Variants in PSD observed in about 807,000 individuals in gnomAD.
PSD encodes the protein PH and SEC7 domain-containing protein 1.
PSD carries 32 observed loss-of-function variants against 91.6 expected under a neutral mutation model. The observed-to-expected ratio is 0.35, with a 90% CI of 0.26 to 0.47. The LOEUF (loss-of-function observed/expected upper bound fraction) is 0.47, where lower values mean the gene tolerates loss of function less well. Ranked by LOEUF, PSD falls within the 20% of genes least tolerant of loss-of-function variation. The pLI is 1.00. For missense variants in PSD, 1,099 were observed against 1,373.9 expected (o/e 0.80, Z 3.16); for synonymous variants, 532 against 569.3 (o/e 0.93, Z 0.93).
chr10:102,405,770 T>G lies in PSD; in HGVS notation c.2136-234A>C. 1 of 535,102 alleles carries G rather than the reference T, an allele frequency of 1.9e-6. No homozygotes were observed. Among genetic ancestry groups the G allele is most frequent in the African/African-American group, 1.9e-5 (1 of 52,962 alleles). 33.1% of individuals were successfully genotyped at this position (535,102 alleles called of 1,614,324 possible). ...CCAGCCTAGAGCCACCACTGTCCCT[T>G]CCTCCCAGCAAGTAGGGCCAGCACT... On this transcript the variant is annotated intron_variant, in intron 11 of 16. Transcript: ENST00000020673. The surrounding 1 kb of genome is among the most constrained non-coding windows in gnomAD (Gnocchi z 5.4).
chr10:102,415,244 G>A lies in PSD; in HGVS notation c.758-15C>T, dbSNP rs772067362. On this transcript the variant is annotated splice_polypyrimidine_tract_variant and intron_variant, in intron 3 of 16. Coordinates refer to ENST00000020673, the MANE Select transcript of PSD (RefSeq NM_002779.5). ...GGGCTTAGCACCTGTAGTGTGCATAGGCATCCAGGTCAGGAGGTTATCCAC... is the reference window on the plus strand; with the variant it reads ...GGGCTTAGCACCTGTAGTGTGCATAAGCATCCAGGTCAGGAGGTTATCCAC... 3 of 1,585,366 alleles carry A rather than the reference G, an allele frequency of 1.9e-6. No homozygotes were observed. The highest frequency in any genetic ancestry group is 2.3e-5 in the East Asian group (1 of 44,278).
Position 102,403,721 on chromosome 10 carries a change from CTG to C in PSD, c.2844+119_2844+120del, listed in dbSNP as rs2061315844. 1 of 1,309,296 alleles carries C rather than the reference CTG, an allele frequency of 7.6e-7. No homozygotes were observed. The allele number at this position is 1,309,296 out of a possible 1,614,324, so 81.1% of individuals were successfully genotyped here. ...TATCCTTGTTGCACAGAGGAGGAAACTGAGGCTTAGGTTAAGCAACCTGCCCA... is the reference window on the plus strand; with the variant it reads ...TATCCTTGTTGCACAGAGGAGGAAACAGGCTTAGGTTAAGCAACCTGCCCA... On this transcript the variant is annotated intron_variant, in intron 16 of 16. Coordinates refer to ENST00000020673, the MANE Select transcript of PSD (RefSeq NM_002779.5). This position sits in a 1 kb window ranked among gnomAD's most constrained non-coding sequence, Gnocchi z 6.7.
In PSD at chr10:102,417,029, C is replaced by T. The variant is rs2061490031; in HGVS notation, c.10G>A (p.Gly4Ser). ...CCTTCCGAGCAGAAGCGCATGGCAC[C>T]CTGGGCCATGCTGGGGCCGGGGGTC... MAQ[G>S]AMRFCSEGDC... Residue 4 changes from glycine (G) to serine (S), a missense_variant, in exon 2 of 17, where the codon GGT becomes AGT. Gly to Ser is a moderately conservative substitution (Grantham distance 56). Coordinates refer to ENST00000020673, the MANE Select transcript of PSD (RefSeq NM_002779.5). 1.3e-6 allele frequency: 2 copies of T among 1,563,824 alleles called. No individual in the cohort carries two copies.
Position 102,414,166 on chromosome 10 carries a change from C to T in PSD, c.1156G>A (p.Val386Met). 1 of 1,613,084 alleles carries T rather than the reference C, an allele frequency of 6.2e-7. No individual in the cohort carries two copies. The highest frequency in any genetic ancestry group is 8.5e-7 in the Non-Finnish European group (1 of 1,179,372). The change falls in exon 5 of 17, where the codon GTG (valine) becomes ATG (methionine). Residue 386 changes from valine to methionine, a missense_variant. Physicochemically the swap from Val to Met is conservative, Grantham distance 21 (BLOSUM62 1). Transcript: ENST00000020673. The surrounding 1 kb of genome is among the most constrained non-coding windows in gnomAD (Gnocchi z 5.6). ...PGSRMPLKSP[V>M]PFLPGTSPSA... is the part of the protein sequence containing the mutation. ...GGGCTCGTCCCAGGTAGAAAGGGCA[C>T]AGGTGACTTGAGAGGCATCCGGCTC...
chr10:102,405,417 T>C lies in PSD; in HGVS notation c.2255A>G (p.Glu752Gly). ...GTGCTTGTAGACGGCAGCCCCAGGC[T>C]CGGGAGTCAGGTCCAGGAAAGGGCT... Reference protein sequence around the residue: ...GSSPFLDLTPEPGAAVYKHGA... With the variant: ...GSSPFLDLTPGPGAAVYKHGA... The change falls in exon 12 of 17, where the codon GAG becomes GGG. Residue 752 changes from glutamate to glycine, a missense_variant. Physicochemically the swap from Glu to Gly is moderately conservative, Grantham distance 98 (BLOSUM62 -2). Coordinates refer to ENST00000020673, the MANE Select transcript of PSD (RefSeq NM_002779.5). The surrounding 1 kb of genome is among the most constrained non-coding windows in gnomAD (Gnocchi z 5.4). The C allele has an allele frequency of 6.2e-7, 1 of 1,613,952 alleles. No individual in the cohort carries two copies. Among genetic ancestry groups the C allele is most frequent in the Non-Finnish European group, 8.5e-7 (1 of 1,180,022 alleles).
chr10:102,419,066 G>C (rs916122363), upstream of PSD: 26 of 320,410 alleles, frequency 8.1e-5, no homozygotes, highest in Non-Finnish European at 1.5e-4. This position sits in a 1 kb window ranked among gnomAD's most constrained non-coding sequence, Gnocchi z 4.8. Flanking sequence ...TGAGCCACAC[G>C]TAAGGCCCGG....
Position 102,412,553 on chromosome 10 carries a change from C to A in PSD, c.1576G>T (p.Val526Leu). 6.2e-7 allele frequency: 1 copy of A among 1,613,112 alleles called. No homozygotes were observed. Among genetic ancestry groups the A allele is most frequent in the Non-Finnish European group, 8.5e-7 (1 of 1,179,504 alleles). ...LGSEPPLSQL[V>L]SDSDSELDST... ...TCCAGCTCTGAGTCTGAGTCGGACA[C>A]CAGCTGGCTCAGGGGTGGTTCGCTG... Residue 526 changes from valine (V) to leucine (L), a missense_variant, in exon 6 of 17, where the codon GTG (valine) becomes TTG (leucine). This residue lies in a region of PSD where 631 missense variants were observed against 728.8 expected (regional missense o/e 0.87). Coordinates refer to ENST00000020673, the MANE Select transcript of PSD (RefSeq NM_002779.5).
chr10:102,405,026 T>C lies in PSD; in HGVS notation c.2427A>G (p.Ser809=), dbSNP rs763507719. 3 of 1,614,062 alleles carry C rather than the reference T, an allele frequency of 1.9e-6. No homozygotes were observed. In the Admixed American group the frequency reaches 5.0e-5, roughly 27 times the overall value. Residue 809 remains serine (S), a synonymous_variant, in exon 14 of 17, where the codon TCA becomes TCG. Transcript: ENST00000020673. The surrounding 1 kb of genome is among the most constrained non-coding windows in gnomAD (Gnocchi z 5.4). ...KEEYKPGKAL[S]ETELKNAISI... ...TGATGGCATTCTTGAGCTCCGTCTCTGAAAGGGCCTTCCCAGGCTTGTACT... is the reference window on the plus strand; with the variant it reads ...TGATGGCATTCTTGAGCTCCGTCTCCGAAAGGGCCTTCCCAGGCTTGTACT...
rs769131135 is a variant in PSD at position 102,414,895 on chromosome 10, G to T, written c.1092C>A (p.Asp364Glu). The T allele has an allele frequency of 5.3e-6, 8 of 1,504,086 alleles. No homozygotes were observed. The Admixed American group carries it at 1.5e-4, about 27-fold the overall frequency. The allele number at this position is 1,504,086 out of a possible 1,614,324, so 93.2% of individuals were successfully genotyped here. ...CTTCAGAGGCCTCAAACACCTCGTC[G>T]TCCACATCTTCTTCCCCACCTGCCT... ...DDEAGGEEDVDDEVFEASEGA... is the reference protein window; with the variant it reads ...DDEAGGEEDVEDEVFEASEGA... The change falls in exon 4 of 17, where the codon GAC (aspartate) becomes GAA (glutamate). Residue 364 changes from aspartate to glutamate, a missense_variant. By Grantham distance (45) the Asp-to-Glu change is conservative. Coordinates refer to ENST00000020673, the MANE Select transcript of PSD (RefSeq NM_002779.5). This position sits in a 1 kb window ranked among gnomAD's most constrained non-coding sequence, Gnocchi z 5.6.
chr10:102,407,227 C>T lies in PSD; in HGVS notation c.2131G>A (p.Ala711Thr), dbSNP rs1376699672. 3.1e-6 allele frequency: 5 copies of T among 1,602,732 alleles called. No homozygotes were observed. In the African/African-American group the frequency reaches 6.7e-5, roughly 22 times the overall value. Residue 711 changes from alanine to threonine, a missense_variant, in exon 11 of 17, where the codon GCC becomes ACC. This residue lies in a region of PSD where 358 missense variants were observed against 426.5 expected (regional missense o/e 0.84). Coordinates refer to ENST00000020673, the MANE Select transcript of PSD (RefSeq NM_002779.5). ...CCACGCAGCCCCGGGACTCACATGGCCCACTGCAGCTTCTCATTCTTGATG... is the reference window on the plus strand; with the variant it reads ...CCACGCAGCCCCGGGACTCACATGGTCCACTGCAGCTTCTCATTCTTGATG... ...SSIKNEKLQW[A>T]IDEEELRRSL...
rs1589876721 is a variant in PSD, at chr10:102,402,970, C to G, written c.*230G>C. The G allele has an allele frequency of 4.6e-6, 1 of 215,246 alleles. No individual in the cohort carries two copies. The highest frequency in any genetic ancestry group is 9.3e-6 in the Non-Finnish European group (1 of 107,800). 13.3% of individuals were successfully genotyped at this position (215,246 alleles called of 1,614,324 possible). A position where few individuals can be genotyped will look rare whatever the true frequency, so the allele number is the denominator to read the frequency against. On this transcript the variant is annotated 3_prime_UTR_variant, in exon 17 of 17. Coordinates refer to ENST00000020673, the MANE Select transcript of PSD (RefSeq NM_002779.5). The stretch of plus-strand genomic sequence containing the variant: ...CTAGCCCCTCCCGCCCCCGCCCACC[C>G]TGTACGAAAAAGTGCAAAACATTAT...
intron 1 of PSD, among the ~76,000 whole-genome samples, chr10:102,418,412 C>T (rs2061511299): frequency 6.6e-6 from 1 of 152,116 alleles, no homozygotes; most frequent in Admixed American, 6.6e-5. Context: ...CAGATGTACA[C>T]ATACAGATGT....
rs867400625 is a variant in PSD, at chr10:102,405,441, C to T, written c.2231G>A (p.Ser744Asn). ...CTCGGGAGTCAGGTCCAGGAAAGGG[C>T]TGGAGCCACTGCCACTGCCCCCGCT... The part of the protein sequence containing the change: ...RISGGSGSGS[S>N]PFLDLTPEPG... The change falls in exon 12 of 17, where the codon AGC becomes AAC. Residue 744 changes from serine (S) to asparagine (N), a missense_variant. Physicochemically the swap from Ser to Asn is conservative, Grantham distance 46. Around this residue, in one of 3 missense-constraint regions of PSD, gnomAD observed 358 missense variants for 426.5 expected, o/e 0.84. Coordinates refer to ENST00000020673, the MANE Select transcript of PSD (RefSeq NM_002779.5). This position sits in a 1 kb window ranked among gnomAD's most constrained non-coding sequence, Gnocchi z 5.4. The T allele has an allele frequency of 6.2e-7, 1 of 1,613,806 alleles. No homozygotes were observed. Among genetic ancestry groups the T allele is most frequent in the Admixed American group, 1.7e-5 (1 of 60,014 alleles).
rs1313872002 is a variant in PSD, at chr10:102,404,492, T to G, written c.2700+91A>C. On this transcript the variant is annotated intron_variant, in intron 15 of 16. Transcript: ENST00000020673. This position sits in a 1 kb window ranked among gnomAD's most constrained non-coding sequence, Gnocchi z 5.7. Reference sequence around the variant, plus strand: ...CCAGCATCCTGGTGCAGGGGACATCTCCACGATCACACGCAGCAGCCTTGA... The same window carrying G: ...CCAGCATCCTGGTGCAGGGGACATCGCCACGATCACACGCAGCAGCCTTGA... 6.8e-7 allele frequency: 1 copy of G among 1,476,696 alleles called. No individual in the cohort carries two copies. The highest frequency in any genetic ancestry group is 2.3e-5 in the East Asian group (1 of 43,376). The allele number at this position is 1,476,696 out of a possible 1,614,324, so 91.5% of individuals were successfully genotyped here.
rs763209678 is a variant in PSD, at chr10:102,416,197, G to A, written c.655-78C>T. On this transcript the variant is annotated intron_variant, in intron 2 of 16. Transcript: ENST00000020673. This position sits in a 1 kb window ranked among gnomAD's most constrained non-coding sequence, Gnocchi z 6.0. ...GACACAAGAATATGGGACAGAAACA[G>A]AAATTAAAACATGCATCGACAGAGA... 202 of 1,291,112 alleles carry A rather than the reference G, an allele frequency of 1.6e-4. 4 individuals carry two copies. The highest frequency in any genetic ancestry group is 1.3e-4 in the Non-Finnish European group (122 of 918,724). 80.0% of individuals were successfully genotyped at this position (1,291,112 alleles called of 1,614,324 possible).
intron 10 of PSD, among the ~76,000 whole-genome samples, chr10:102,407,817 A>G (rs1487089019): frequency 6.6e-6 from 1 of 152,108 alleles, no homozygotes; most frequent in East Asian, 1.9e-4. Context: ...AGACAAGCTG[A>G]GGCCTCCCCC....
In PSD at chr10:102,404,432, G is replaced by T. The variant is rs1462895297; in HGVS notation, c.2700+151C>A. The T allele has an allele frequency of 2.0e-6, 2 of 993,760 alleles. No individual in the cohort carries two copies. Among genetic ancestry groups the T allele is most frequent in the South Asian group, 2.0e-5 (1 of 49,492 alleles). The allele number at this position is 993,760 out of a possible 1,614,324, so 61.6% of individuals were successfully genotyped here. ...TCCCAGCCGGCAAGCGGGACCCAGT[G>T]GGGGCTGGATTTCAGTCCCTGCTCA... is the stretch of plus-strand genomic sequence containing the variant. On this transcript the variant is annotated intron_variant, in intron 15 of 16. Coordinates refer to ENST00000020673, the MANE Select transcript of PSD (RefSeq NM_002779.5). The surrounding 1 kb of genome is among the most constrained non-coding windows in gnomAD (Gnocchi z 5.7).
Position 102,416,674 on chromosome 10 carries a change from C to A in PSD, c.365G>T (p.Gly122Val). Residue 122 changes from glycine to valine, a missense_variant, in exon 2 of 17, where the codon GGC (glycine) becomes GTC (valine). Gly to Val is a moderately radical substitution (Grantham distance 109, BLOSUM62 -3). Coordinates refer to ENST00000020673, the MANE Select transcript of PSD (RefSeq NM_002779.5). This position sits in a 1 kb window ranked among gnomAD's most constrained non-coding sequence, Gnocchi z 6.0. The part of the protein sequence containing the change: ...RPLNGLPAPG[G>V]LSRSWDLGGV... The stretch of plus-strand genomic sequence containing the variant: ...ACCCAGATCCCAGCTCCGACTCAAG[C>A]CCCCTGGAGCAGGTAGCCCATTCAG... The A allele has an allele frequency of 6.2e-7, 1 of 1,609,362 alleles. No homozygotes were observed. The highest frequency in any genetic ancestry group is 8.5e-7 in the Non-Finnish European group (1 of 1,178,124).
chr10:102,417,270 G>A, intron 1 of PSD, 149 bp from the exon 2 acceptor site: 1 of 531,484 alleles, frequency 1.9e-6, no homozygotes, highest in Admixed American at 3.6e-5. Flanking sequence ...TCCCACGCCT[G>A]GGGACTACTT....
Sources: allele counts gnomAD v4.1 joint callset (sites outside exome capture counted in the v4.1 genomes callset), GRCh38; gene constraint gnomAD v4.1.1; regional missense constraint gnomAD v4.1.1; non-coding constraint Gnocchi (gnomAD v3.1); transcripts MANE v1.5; gene names NCBI Gene and HGNC (gene_info 2026-07-23, HGNC 2026-07-21).